SORL1: variants seen among roughly 807,000 people sequenced by gnomAD.
SORL1 encodes the protein sortilin-related receptor.
A neutral mutation model predicts 273.7 loss-of-function variants in SORL1; 127 were observed. That is an observed-to-expected ratio of 0.46 (90% confidence interval 0.40 to 0.54). The LOEUF (loss-of-function observed/expected upper bound fraction) is 0.54. Ranked by LOEUF, SORL1 falls within the 20% of genes least tolerant of loss-of-function variation. The pLI, the probability that SORL1 is intolerant of heterozygous loss-of-function variation, is 0.00. For synonymous variants in SORL1, 1,031 were observed against 1,067.4 expected, an observed-to-expected ratio of 0.97 and a Z score of 0.66; for missense variants, 2,494 against 2,846.1, an observed-to-expected ratio of 0.88 and a Z score of 2.81.
chr11:121,469,675 A>G (rs1358029885), intron 1 of SORL1, among the ~76,000 whole-genome samples: 2 of 152,210 alleles, frequency 1.3e-5, no homozygotes, highest in Non-Finnish European at 1.5e-5. Context: ...TTACCAGTGC[A>G]TGTCATACAT....
rs1025371188 is a variant in SORL1, at chr11:121,633,197, C to A, written c.*3634C>A. 2.0e-5 allele frequency: 3 copies of A among 152,076 alleles called. No individual in the cohort carries two copies. The highest frequency in any genetic ancestry group is 4.8e-5 in the African/African-American group (2 of 41,406). 9.4% of individuals were successfully genotyped at this position (152,076 alleles called of 1,614,324 possible). A position where few individuals can be genotyped will look rare whatever the true frequency, so the allele number is the denominator to read the frequency against. On this transcript the variant is annotated 3_prime_UTR_variant, in exon 48 of 48. Coordinates refer to ENST00000260197, the MANE Select transcript of SORL1 (RefSeq NM_003105.6). ...AGTAAGTGTGTTTTCAGATGGAGTACCAGCACCGAAAATGGGTTGAGGGAG... is the reference window on the plus strand; with the variant it reads ...AGTAAGTGTGTTTTCAGATGGAGTAACAGCACCGAAAATGGGTTGAGGGAG...
At chr11:121,457,463 A>C (rs1425050892) in intron 1 of SORL1, among the ~76,000 whole-genome samples, 2 of 152,242 alleles carry the variant, frequency 1.3e-5, no homozygotes, top group African/African-American at 4.8e-5. Context: ...ATGTATGTAC[A>C]TAAAATTGGA....
chr11:121,623,494 C>T (rs1000843221), intron 45 of SORL1, among the ~76,000 whole-genome samples: 9 of 152,140 alleles, frequency 5.9e-5, no homozygotes, highest in South Asian at 4.1e-4. Context: ...AGGAAACAGC[C>T]GAGATGCCGA....
intron 1 of SORL1, among the ~76,000 whole-genome samples, chr11:121,459,616 G>A (rs1356265989): frequency 2.6e-5 from 4 of 152,238 alleles, no homozygotes; most frequent in Non-Finnish European, 5.9e-5. Flanking sequence ...GATCTCTGTG[G>A]CTTCACTTCT....
At position 121,555,065 on chromosome 11, in the gene SORL1, G is replaced by A. The variant is rs1862556739; in HGVS notation, c.2440-122G>A. The A allele has an allele frequency of 1.4e-5, 15 of 1,077,362 alleles. No individual in the cohort carries two copies. The East Asian group carries it at 1.6e-4, about 12-fold the overall frequency. 66.7% of individuals were successfully genotyped at this position (1,077,362 alleles called of 1,614,324 possible). ...TCATGTGTCTGGAAAGTTTACTAAC[G>A]TAAAACATCTCATCCCTTGCCAGTC... On this transcript the variant is annotated intron_variant, in intron 17 of 47. Transcript: ENST00000260197.
At chr11:121,604,982 G>A (rs1863446926) in intron 33 of SORL1, 131 bp from the exon 34 acceptor site, 2 of 626,398 alleles carry the variant, frequency 3.2e-6, no homozygotes, top group Admixed American at 2.8e-5. Flanking sequence ...CATTGCCCAG[G>A]CCAGTCTCGA....
At chr11:121,620,028 C>T (rs536798063) in intron 43 of SORL1, 111 bp downstream of exon 43, 29 of 845,024 alleles carry the variant, frequency 3.4e-5, no homozygotes, top group African/African-American at 5.1e-5. Context: ...TGGTTTCTGG[C>T]GCTCAGCAGG....
At chr11:121,536,178 G>A (rs1391290117) in intron 12 of SORL1, among the ~76,000 whole-genome samples, 1 of 152,040 alleles carries the variant, frequency 6.6e-6, no homozygotes, top group Non-Finnish European at 1.5e-5. Context: ...AATTTCATAG[G>A]GGCTTCTCTC....
At chr11:121,628,398 G>A (rs1863829260) in intron 47 of SORL1, among the ~76,000 whole-genome samples, 1 of 152,210 alleles carries the variant, frequency 6.6e-6, no homozygotes, top group African/African-American at 2.4e-5. Flanking sequence ...GGAGCGCTCA[G>A]TCTGGATCCC....
At chr11:121,619,286 A>G (rs1246730882) in intron 42 of SORL1, among the ~76,000 whole-genome samples, 1 of 152,196 alleles carries the variant, frequency 6.6e-6, no homozygotes, top group Non-Finnish European at 1.5e-5. Context: ...GTCTATGAAG[A>G]GAGGACTGGT....
At chr11:121,574,514 G>T in intron 24 of SORL1, 151 bp downstream of exon 24, 1 of 677,136 alleles carries the variant, frequency 1.5e-6, no homozygotes, top group African/African-American at 1.8e-5. Context: ...CACATGGTGG[G>T]GTTGAGTCAT....
At chr11:121,623,772 C>T (rs893471108) in intron 45 of SORL1, among the ~76,000 whole-genome samples, 9 of 152,212 alleles carry the variant, frequency 5.9e-5, no homozygotes, top group South Asian at 4.1e-4. Flanking sequence ...GTTAGTATTT[C>T]GTTCCTAGTG....
Position 121,625,230 on chromosome 11 carries a change from A to C in SORL1, c.6317A>C (p.Gln2106Pro), listed in dbSNP as rs1467258642. The part of the protein sequence containing the change: ...TVQARCLFGN[Q>P]ICGEPAILLY... Reference sequence around the variant, plus strand: ...CAAGCAAGATGCCTTTTTGGCAACCAGATCTGTGGGGAGCCTGCCATCCTG... The same window carrying C: ...CAAGCAAGATGCCTTTTTGGCAACCCGATCTGTGGGGAGCCTGCCATCCTG... Residue 2106 changes from glutamine (Q) to proline (P), a missense_variant, in exon 46 of 48, where the codon CAG (glutamine) becomes CCG (proline). Coordinates refer to ENST00000260197, the MANE Select transcript of SORL1 (RefSeq NM_003105.6). 6.2e-7 allele frequency: 1 copy of C among 1,614,158 alleles called. No homozygotes were observed. Among genetic ancestry groups the C allele is most frequent in the Non-Finnish European group, 8.5e-7 (1 of 1,180,012 alleles).
At position 121,464,021 on chromosome 11, in the gene SORL1, G is replaced by T. The variant is rs538227487; in HGVS notation, c.286-5986G>T. On this transcript the variant is annotated intron_variant, in intron 1 of 47. Coordinates refer to ENST00000260197, the MANE Select transcript of SORL1 (RefSeq NM_003105.6). ...GTGCCTGGCTCCTTCTGTCCTCACA[G>T]TTGAAGGACAGGATATTTGTTTTAT... is the stretch of plus-strand genomic sequence containing the variant. Among the ~76,000 whole-genome samples the T allele has an allele frequency of 1.1e-4, 17 of 152,286 alleles. No homozygotes were observed. In the South Asian group the frequency reaches 3.5e-3, roughly 32 times the overall value.
chr11:121,477,085 C>T (rs1336303265), intron 2 of SORL1, among the ~76,000 whole-genome samples: 3 of 152,122 alleles, frequency 2.0e-5, no homozygotes, highest in African/African-American at 4.8e-5. Flanking sequence ...AGCCACTGCT[C>T]CTGGCCTCAT....
chr11:121,544,796 AG>A (rs1289136113), intron 13 of SORL1, among the ~76,000 whole-genome samples: 1 of 152,220 alleles, frequency 6.6e-6, no homozygotes, highest in Non-Finnish European at 1.5e-5. Context: ...ACCTTCAAGT[AG>A]GGCCAGCGAG....
chr11:121,576,010 T>C (rs1862924306), intron 24 of SORL1, among the ~76,000 whole-genome samples: 1 of 152,190 alleles, frequency 6.6e-6, no homozygotes, highest in Admixed American at 6.5e-5. Flanking sequence ...CTCAAAAATA[T>C]CTGATTTACT....
At chr11:121,593,942 C>T (rs1187274442) in intron 31 of SORL1, among the ~76,000 whole-genome samples, 1 of 152,124 alleles carries the variant, frequency 6.6e-6, no homozygotes, top group East Asian at 1.9e-4. Context: ...TGTGGGAGGC[C>T]TGTGTGAGGT....
At chr11:121,555,033 C>A in intron 17 of SORL1, 154 bp from the exon 18 acceptor site, 1 of 737,650 alleles carries the variant, frequency 1.4e-6, no homozygotes. Context: ...TTCATGAAAA[C>A]CTGGCTTCAT....
Sources: allele counts gnomAD v4.1 joint callset (sites outside exome capture counted in the v4.1 genomes callset), GRCh38; gene constraint gnomAD v4.1.1; transcripts MANE v1.5; gene names NCBI Gene and HGNC (gene_info 2026-07-23, HGNC 2026-07-21).